CAPN9: variants seen among roughly 807,000 people sequenced by gnomAD.
CAPN9 encodes the protein calpain 9.
In CAPN9, 81 loss-of-function variants were observed where a neutral mutation model predicts 92.8. The ratio of observed to expected loss-of-function variants is 0.87; its 90% CI spans 0.73 to 1.05. The LOEUF (loss-of-function observed/expected upper bound fraction) is 1.05, where lower values mean the gene tolerates loss of function less well. CAPN9 is among the 50% of genes least tolerant of loss of function. CAPN9 has a pLI of 0.00. For synonymous variants in CAPN9, 304 were observed against 328.0 expected (o/e 0.93, Z 0.79); for missense variants, 848 against 866.2 (o/e 0.98, Z 0.26).
chr1:230,749,201 G>A (rs1252962459), intron 1 of CAPN9, among the ~76,000 whole-genome samples: 7 of 152,212 alleles, frequency 4.6e-5, no homozygotes, highest in Non-Finnish European at 1.5e-5. Flanking sequence ...CTTCCTCACC[G>A]AAGCCACGCT....
chr1:230,794,686 C>A (rs1668227087), intron 17 of CAPN9, among the ~76,000 whole-genome samples: 2 of 152,072 alleles, frequency 1.3e-5, no homozygotes, highest in South Asian at 4.2e-4. Flanking sequence ...GGCAGAGTAT[C>A]ATTCTCCGTG....
At chr1:230,753,443 G>C (rs1056567056) in intron 1 of CAPN9, among the ~76,000 whole-genome samples, 1 of 152,236 alleles carries the variant, frequency 6.6e-6, no homozygotes, top group East Asian at 1.9e-4. Flanking sequence ...GGAATGCAGA[G>C]AGAGCACCAG....
intron 19 of CAPN9, among the ~76,000 whole-genome samples, chr1:230,800,967 C>T (rs902192793): frequency 6.6e-6 from 1 of 152,174 alleles, no homozygotes; most frequent in East Asian, 1.9e-4. Flanking sequence ...ATACTATATA[C>T]ACTGTGCCCA....
rs773228639 is a variant in CAPN9, at chr1:230,801,564, T to C, written c.2047-6T>C. ...CGACCCCTCATCTCTCTCTCTCTCTTCCCAGTTCATCCATTTGACAATGAA... is the reference window on the plus strand; with the variant it reads ...CGACCCCTCATCTCTCTCTCTCTCTCCCCAGTTCATCCATTTGACAATGAA... On this transcript the variant is annotated splice_polypyrimidine_tract_variant and splice_region_variant and intron_variant, in intron 19 of 19. Coordinates refer to ENST00000271971, the MANE Select transcript of CAPN9 (RefSeq NM_006615.3). 1 of 1,613,638 alleles carries C rather than the reference T, an allele frequency of 6.2e-7. No homozygotes were observed. Among genetic ancestry groups the C allele is most frequent in the Non-Finnish European group, 8.5e-7 (1 of 1,179,596 alleles).
chr1:230,789,285 C>G (rs918722836), intron 13 of CAPN9, among the ~76,000 whole-genome samples: 1 of 152,038 alleles, frequency 6.6e-6, no homozygotes, highest in Admixed American at 6.5e-5. Flanking sequence ...TCAAGAGCAT[C>G]CTGGGCAACA....
At chr1:230,761,707 C>T (rs554862935) in intron 3 of CAPN9, among the ~76,000 whole-genome samples, 36 of 152,192 alleles carry the variant, frequency 2.4e-4, no homozygotes, top group Non-Finnish European at 4.7e-4. Context: ...CCTCTTTCAA[C>T]CCTTTTCTTT....
chr1:230,749,387 C>G (rs1398740055), intron 1 of CAPN9, among the ~76,000 whole-genome samples: 1 of 152,242 alleles, frequency 6.6e-6, no homozygotes, highest in Non-Finnish European at 1.5e-5. Context: ...GAGTGACCCT[C>G]TGAGGGGCAC....
chr1:230,769,200 T>C lies in CAPN9; in HGVS notation c.726T>C (p.Ser242=). ...CFIDTRSAAE[S]EARTPFGLIK... is the part of the protein sequence containing the mutation. ...TTTAGACCAGAAGTGCTGCAGAATC[T>C]GAGGCCCGGACGCCGTTTGGTCTTA... Residue 242 remains serine, a synonymous_variant, in exon 6 of 20, where the codon TCT becomes TCC. Coordinates refer to ENST00000271971, the MANE Select transcript of CAPN9 (RefSeq NM_006615.3). 1 of 1,614,088 alleles carries C rather than the reference T, an allele frequency of 6.2e-7. No individual in the cohort carries two copies.
rs923020361 is a variant in CAPN9, at chr1:230,799,764, G to C, written c.2046+1544G>C. ...AAAATAAGAGGAAGCTGGGCATGGT[G>C]GTGTGCACCTGCAGTCCCAGCTATT... is the stretch of plus-strand genomic sequence containing the variant. On this transcript the variant is annotated intron_variant, in intron 19 of 19. Transcript: ENST00000271971. 5.9e-5 allele frequency among the ~76,000 whole-genome samples: 9 copies of C among 152,190 alleles called. No homozygotes were observed. The East Asian group carries it at 1.7e-3, about 29-fold the overall frequency.
chr1:230,759,507 T>G lies in CAPN9; in HGVS notation c.284-5T>G. On this transcript the variant is annotated splice_region_variant and splice_polypyrimidine_tract_variant and intron_variant, in intron 2 of 19. Coordinates refer to ENST00000271971, the MANE Select transcript of CAPN9 (RefSeq NM_006615.3). ...AAATTGTGATTTATGGCTTCCATTT[T>G]GCAGGAGACTGCTGGCTATTAGCCG... is the stretch of plus-strand genomic sequence containing the variant. 1 of 1,590,400 alleles carries G rather than the reference T, an allele frequency of 6.3e-7. No homozygotes were observed. Among genetic ancestry groups the G allele is most frequent in the South Asian group, 1.2e-5 (1 of 86,570 alleles).
intron 13 of CAPN9, 71 bp from the exon 14 acceptor site, chr1:230,790,061 A>T: frequency 7.3e-7 from 1 of 1,375,468 alleles, no homozygotes; most frequent in Non-Finnish European, 1.0e-6. Context: ...CTCAGAACTG[A>T]TTTAAAACAA....
chr1:230,747,958 C>T (rs4078404), intron 1 of CAPN9, among the ~76,000 whole-genome samples: 90,570 of 152,032 alleles, frequency 0.6, 27,624 homozygotes, highest in Non-Finnish European at 0.67. Context: ...GTCTGACTCC[C>T]ACCGAGGCTG....
At chr1:230,787,806 T>C (rs1440092380) in intron 13 of CAPN9, among the ~76,000 whole-genome samples, 1 of 152,222 alleles carries the variant, frequency 6.6e-6, no homozygotes, top group Non-Finnish European at 1.5e-5. Flanking sequence ...CGGCTGTGGA[T>C]GGGGCCAGTG....
In CAPN9 at chr1:230,801,694, T is replaced by C; in HGVS notation, c.*98T>C. On this transcript the variant is annotated 3_prime_UTR_variant, in exon 20 of 20. Coordinates refer to ENST00000271971, the MANE Select transcript of CAPN9 (RefSeq NM_006615.3). ...GGTGTGGAACCATTACGCCCAGGGT[T>C]CACTCCCCTCTCATCGTCCGGCCTT... 9.4e-7 allele frequency: 1 copy of C among 1,059,822 alleles called. No individual in the cohort carries two copies. Among genetic ancestry groups the C allele is most frequent in the Non-Finnish European group, 1.5e-6 (1 of 674,070 alleles). The allele number at this position is 1,059,822 out of a possible 1,614,324, so 65.7% of individuals were successfully genotyped here.
At chr1:230,792,028 C>T (rs527461237) in intron 15 of CAPN9, 100 bp downstream of exon 15, 2 of 876,996 alleles carry the variant, frequency 2.3e-6, no homozygotes, top group Admixed American at 2.0e-5. Flanking sequence ...AACATGACAT[C>T]CTTAGCCAGC....
At chr1:230,775,893 G>T (rs912182319) in intron 8 of CAPN9, among the ~76,000 whole-genome samples, 14 of 143,528 alleles carry the variant, frequency 9.8e-5, no homozygotes, top group Non-Finnish European at 1.6e-4. Context: ...CTCTAGCCTG[G>T]ACAACAGAGT....
rs199590749 is a variant in CAPN9, at chr1:230,795,274, C to T, written c.1982C>T (p.Ala661Val). 12 of 1,575,976 alleles carry T rather than the reference C, an allele frequency of 7.6e-6. No individual in the cohort carries two copies. Among genetic ancestry groups the T allele is most frequent in the Middle Eastern group, 1.7e-4 (1 of 5,876 alleles). Residue 661 changes from alanine to valine, a missense_variant, in exon 18 of 20, where the codon GCG becomes GTG. Physicochemically the swap from Ala to Val is moderately conservative, Grantham distance 64. Coordinates refer to ENST00000271971, the MANE Select transcript of CAPN9 (RefSeq NM_006615.3). Reference sequence around the variant, plus strand: ...AACTGCCTGGTCCGGCTGGAGAATGCGAGCCGTAAGTGTCCAGCGAGGCTG... The same window carrying T: ...AACTGCCTGGTCCGGCTGGAGAATGTGAGCCGTAAGTGTCCAGCGAGGCTG... ...FLNCLVRLEN[A>V]SRVFQALSTK...
At chr1:230,788,893 G>A (rs910778727) in intron 13 of CAPN9, among the ~76,000 whole-genome samples, 5 of 152,150 alleles carry the variant, frequency 3.3e-5, no homozygotes, top group African/African-American at 4.8e-5. Flanking sequence ...GAAGGGAAGC[G>A]GTGAATGTTG....
In CAPN9 at chr1:230,787,594, G is replaced by T; in HGVS notation, c.1591G>T (p.Ala531Ser). The T allele has an allele frequency of 6.2e-7, 1 of 1,613,692 alleles. No homozygotes were observed. The highest frequency in any genetic ancestry group is 8.5e-7 in the Non-Finnish European group (1 of 1,179,698). The change falls in exon 13 of 20, where the codon GCT becomes TCT. Residue 531 changes from alanine to serine, a missense_variant. Transcript: ENST00000271971. ...GTTTCGGGCTCTGTTTGAACAAGTC[G>T]CTGGTGAGGTAGGACATGCCCCACT... ...QRFRALFEQV[A>S]GEDMEVTAEE...
Sources: gnomAD v4.1 joint callset for allele counts (sites outside exome capture counted in the v4.1 genomes callset) on GRCh38, gnomAD v4.1.1 for gene constraint, MANE v1.5 for transcripts, NCBI Gene and HGNC (gene_info 2026-07-23, HGNC 2026-07-21) for gene names.